YTHDF3: variants seen among roughly 807,000 people sequenced by gnomAD.
YTHDF3 encodes the protein YTH N6-methyladenosine RNA binding protein F3.
A neutral mutation model predicts 52.5 loss-of-function variants in YTHDF3; 9 were observed. The observed-to-expected ratio is 0.17, with a 90% confidence interval of 0.10 to 0.30. The LOEUF is 0.30. YTHDF3 is among the 10% of genes least tolerant of loss of function. YTHDF3 has a pLI of 1.00. For missense variants in YTHDF3, 534 were observed against 715.0 expected, an observed-to-expected ratio of 0.75 and a Z score of 2.89; for synonymous variants, 274 against 243.3, an observed-to-expected ratio of 1.13 and a Z score of -1.18.
chr8:63,172,900 C>A, intron 2 of YTHDF3: 1 of 947,514 alleles, frequency 1.1e-6, no homozygotes, highest in Non-Finnish European at 1.4e-6. Context: ...AAGACATTAG[C>A]TTGTCATTAA....
chr8:63,172,899 G>T, intron 2 of YTHDF3: 1 of 955,798 alleles, frequency 1.0e-6, no homozygotes, highest in Non-Finnish European at 1.4e-6. Flanking sequence ...CAAGACATTA[G>T]CTTGTCATTA....
Position 63,187,755 on chromosome 8 carries a change from T to G in YTHDF3, c.1734+10T>G, listed in dbSNP as rs1292235166. 7.0e-6 allele frequency: 11 copies of G among 1,573,276 alleles called. No homozygotes were observed. Among genetic ancestry groups the G allele is most frequent in the Non-Finnish European group, 9.5e-6 (11 of 1,161,512 alleles). ...GGAAGCCATGCGTAGGGTAAGAATA[T>G]AGTAATTTTTTGTTTGGGGTCTTTG... On this transcript the variant is annotated intron_variant, in intron 4 of 4. Coordinates refer to ENST00000539294, the MANE Select transcript of YTHDF3 (RefSeq NM_152758.6).
At chr8:63,182,955 C>CTTTTTT (rs11381385) in intron 3 of YTHDF3, among the ~76,000 whole-genome samples, 8 of 143,622 alleles carry the variant, frequency 5.6e-5, no homozygotes, top group Non-Finnish European at 4.5e-5. Flanking sequence ...ACAGTTTTAT[C>CTTTTTT]TTTTTTTTTT....
At chr8:63,171,825 A>G (rs1055932459) in intron 2 of YTHDF3, among the ~76,000 whole-genome samples, 4 of 152,194 alleles carry the variant, frequency 2.6e-5, no homozygotes, top group African/African-American at 9.6e-5. Flanking sequence ...AAAGTTTTGA[A>G]CACGTAATCC....
At chr8:63,200,878 G>A (rs1414875628) in intron 4 of YTHDF3, among the ~76,000 whole-genome samples, 1 of 152,166 alleles carries the variant, frequency 6.6e-6, no homozygotes, top group East Asian at 1.9e-4. Context: ...CAGGCATTCA[G>A]AGCCTAGGGT....
intron 4 of YTHDF3, among the ~76,000 whole-genome samples, chr8:63,201,767 A>T (rs1043946385): frequency 1.2e-4 from 18 of 152,274 alleles, no homozygotes; most frequent in Non-Finnish European, 2.5e-4. Context: ...GAACTAGGCT[A>T]TAAAAGCTAT....
chr8:63,177,635 T>G (rs1203342117), intron 3 of YTHDF3, among the ~76,000 whole-genome samples: 1 of 152,212 alleles, frequency 6.6e-6, no homozygotes. Flanking sequence ...TTGAGAAATT[T>G]TGGAGGCTAA....
rs557729395 is a variant in YTHDF3, at chr8:63,186,084, G to C, written c.136-63G>C. 214 of 1,449,438 alleles carry C rather than the reference G, an allele frequency of 1.5e-4. No individual in the cohort carries two copies. In the South Asian group the frequency reaches 2.7e-3, roughly 18 times the overall value. 89.8% of individuals were successfully genotyped at this position (1,449,438 alleles called of 1,614,324 possible). A position where few individuals can be genotyped will look rare whatever the true frequency, so the allele number is the denominator to read the frequency against. On this transcript the variant is annotated intron_variant, in intron 3 of 4. Coordinates refer to ENST00000539294, the MANE Select transcript of YTHDF3 (RefSeq NM_152758.6). ...AAAACTTCTTGATTTTAATCTTTCAGATTTCTTTTTTTGCTCTTTTAAGAG... is the reference window on the plus strand; with the variant it reads ...AAAACTTCTTGATTTTAATCTTTCACATTTCTTTTTTTGCTCTTTTAAGAG...
In YTHDF3 at chr8:63,187,692, G is replaced by C. The variant is rs1161527430; in HGVS notation, c.1681G>C (p.Asp561His). The C allele has an allele frequency of 5.0e-6, 8 of 1,611,902 alleles. No individual in the cohort carries two copies. The highest frequency in any genetic ancestry group is 5.1e-6 in the Non-Finnish European group (6 of 1,178,852). Residue 561 changes from aspartate (D) to histidine (H), a missense_variant, in exon 4 of 5, where the codon GAT becomes CAT. This residue lies in a region of YTHDF3 where 135 missense variants were observed against 214.2 expected (regional missense o/e 0.63). Transcript: ENST00000539294. ...TTTCAAGCATACCACCTCAATCTTT[G>C]ATGACTTTGCACATTATGAAAAGCG... is the stretch of plus-strand genomic sequence containing the variant. Reference protein sequence around the residue: ...ATFKHTTSIFDDFAHYEKRQE... With the variant: ...ATFKHTTSIFHDFAHYEKRQE...
chr8:63,204,630 G>A (rs890750301), intron 4 of YTHDF3, among the ~76,000 whole-genome samples: 3 of 152,214 alleles, frequency 2.0e-5, no homozygotes, highest in East Asian at 3.9e-4. Context: ...CCAAAGTGTT[G>A]GGCTTACAGG....
chr8:63,179,547 A>T (rs1807935719), intron 3 of YTHDF3, among the ~76,000 whole-genome samples: 1 of 152,190 alleles, frequency 6.6e-6, no homozygotes, highest in Admixed American at 6.5e-5. Context: ...AAGGTCACAG[A>T]TCAACAGGAT....
Position 63,211,993 on chromosome 8 carries a change from A to G in YTHDF3, c.*2287A>G, listed in dbSNP as rs1810393789. On this transcript the variant is annotated 3_prime_UTR_variant, in exon 5 of 5. Transcript: ENST00000539294. Reference sequence around the variant, plus strand: ...TATTTTTCCTCTGAATGAAATTATCACAGGTTGTCTCAAGCACAACCAACT... The same window carrying G: ...TATTTTTCCTCTGAATGAAATTATCGCAGGTTGTCTCAAGCACAACCAACT... The G allele has an allele frequency of 6.6e-6, 1 of 152,588 alleles. No individual in the cohort carries two copies. Among genetic ancestry groups the G allele is most frequent in the Admixed American group, 6.5e-5 (1 of 15,282 alleles). The allele number at this position is 152,588 out of a possible 1,614,324, so 9.5% of individuals were successfully genotyped here.
intron 3 of YTHDF3, among the ~76,000 whole-genome samples, chr8:63,183,310 T>C (rs1808276406): frequency 1.3e-5 from 2 of 152,200 alleles, no homozygotes; most frequent in Non-Finnish European, 2.9e-5. Flanking sequence ...CTAGATGAAC[T>C]TCTCATTTTT....
chr8:63,186,804 G>C lies in YTHDF3; in HGVS notation c.793G>C (p.Val265Leu), dbSNP rs1585759346. Residue 265 changes from valine to leucine, a missense_variant, in exon 4 of 5, where the codon GTA becomes CTA. Transcript: ENST00000539294. Reference sequence around the variant, plus strand: ...CAATGTGGGAATTGGGGGTTCTGCTGTACCACCACCTCCTATAAAACACAA... The same window carrying C: ...CAATGTGGGAATTGGGGGTTCTGCTCTACCACCACCTCCTATAAAACACAA... The part of the protein sequence containing the change: ...KGNVGIGGSA[V>L]PPPPIKHNMN... The C allele has an allele frequency of 6.2e-7, 1 of 1,613,974 alleles. No individual in the cohort carries two copies. The highest frequency in any genetic ancestry group is 8.5e-7 in the Non-Finnish European group (1 of 1,179,896).
chr8:63,195,270 A>G (rs1363717133), intron 4 of YTHDF3, among the ~76,000 whole-genome samples: 2 of 152,244 alleles, frequency 1.3e-5, no homozygotes, highest in East Asian at 3.8e-4. Flanking sequence ...TGAATAACCA[A>G]TACCCCATTA....
At chr8:63,182,075 T>A (rs75931676) in intron 3 of YTHDF3, among the ~76,000 whole-genome samples, 3,113 of 150,720 alleles carry the variant, frequency 0.021, 48 homozygotes, top group African/African-American at 0.048. Context: ...TGGTTTTTTT[T>A]AAATTTTTTT....
intron 3 of YTHDF3, among the ~76,000 whole-genome samples, chr8:63,182,001 T>A (rs1226473876): frequency 6.6e-6 from 1 of 152,168 alleles, no homozygotes; most frequent in African/African-American, 2.4e-5. Flanking sequence ...AGAATGAACA[T>A]CACTTTTGGT....
At chr8:63,191,313 T>A (rs1020514063) in intron 4 of YTHDF3, among the ~76,000 whole-genome samples, 2 of 152,154 alleles carry the variant, frequency 1.3e-5, no homozygotes, top group African/African-American at 2.4e-5. Context: ...GTTCTGTTGG[T>A]TCTTTATTCT....
rs1464454201 is a variant in YTHDF3, at chr8:63,171,211, G to A, written c.49+1800G>A. Among the ~76,000 whole-genome samples the A allele has an allele frequency of 3.9e-5, 6 of 152,042 alleles. No individual in the cohort carries two copies. The South Asian group carries it at 8.3e-4, about 21-fold the overall frequency. ...AGTCCTGAGTTCTAATACTGCCTTT[G>A]GCTACTGACTTGCCAAGTGAGCTTG... On this transcript the variant is annotated intron_variant, in intron 2 of 4. Transcript: ENST00000539294.
Sources: gnomAD v4.1 joint callset for allele counts (sites outside exome capture counted in the v4.1 genomes callset) on GRCh38, gnomAD v4.1.1 for gene constraint, gnomAD v4.1.1 regional missense constraint, MANE v1.5 for transcripts, NCBI Gene and HGNC (gene_info 2026-07-23, HGNC 2026-07-21) for gene names.